The following ERC2 variants were observed in gnomAD, a reference collection of about 807,000 sequenced individuals.
ERC2 encodes the protein ELKS/RAB6-interacting/CAST family member 2.
Under a neutral mutation model 114.8 loss-of-function variants are expected in ERC2, and 42 were observed. That is an observed-to-expected ratio of 0.37 (90% CI 0.29 to 0.47). The LOEUF (loss-of-function observed/expected upper bound fraction) is 0.47, where lower values mean the gene tolerates loss of function less well. ERC2 is among the 20% of genes least tolerant of loss of function. The pLI, the probability that ERC2 is intolerant of heterozygous loss-of-function variation, is 0.99. For synonymous variants in ERC2, 454 were observed against 425.5 expected, an observed-to-expected ratio of 1.07 and a Z score of -0.82; for missense variants, 939 against 1,150.7, an observed-to-expected ratio of 0.82 and a Z score of 2.66.
chr3:56,049,474 T>G (rs903124950), intron 7 of ERC2, among the ~76,000 whole-genome samples: 12 of 152,338 alleles, frequency 7.9e-5, no homozygotes, highest in Non-Finnish European at 1.3e-4. Context: ...ATGCAAAGTA[T>G]TGATCCTAGG....
At chr3:56,218,237 T>C (rs2049631654) in intron 3 of ERC2, among the ~76,000 whole-genome samples, 2 of 151,964 alleles carry the variant, frequency 1.3e-5, no homozygotes, top group Non-Finnish European at 2.9e-5. Flanking sequence ...TGCAATCTAC[T>C]CATCTGACAA....
chr3:55,834,522 A>G (rs1466847580), intron 14 of ERC2, among the ~76,000 whole-genome samples: 1 of 152,136 alleles, frequency 6.6e-6, no homozygotes, highest in Non-Finnish European at 1.5e-5. Flanking sequence ...TGGGTACATA[A>G]TGAAATGAAG....
chr3:56,273,760 C>T lies in ERC2; in HGVS notation c.1074+22259G>A, dbSNP rs2053815206. ...TTGTGCAAATTAGAAAATGAAGCCC[C>T]TTCCCAAGACACTTCACTTCTATCT... On this transcript the variant is annotated intron_variant, in intron 3 of 17. Coordinates refer to ENST00000288221, the MANE Select transcript of ERC2 (RefSeq NM_015576.3). Among the ~76,000 whole-genome samples the T allele has an allele frequency of 2.6e-5, 4 of 152,264 alleles. No homozygotes were observed. In the South Asian group the frequency reaches 8.3e-4, roughly 32 times the overall value.
intron 6 of ERC2, among the ~76,000 whole-genome samples, chr3:56,131,587 T>C (rs2080201855): frequency 6.6e-6 from 1 of 152,168 alleles, no homozygotes; most frequent in African/African-American, 2.4e-5. Flanking sequence ...AAGGCTGAAC[T>C]GATTAAAAAG....
chr3:56,061,913 A>G (rs2076261161), intron 7 of ERC2, among the ~76,000 whole-genome samples: 1 of 152,212 alleles, frequency 6.6e-6, no homozygotes, highest in Non-Finnish European at 1.5e-5. Flanking sequence ...ATTAGCTGAT[A>G]TACACGTGGG....
intron 13 of ERC2, among the ~76,000 whole-genome samples, chr3:55,919,569 C>T (rs562396698): frequency 6.6e-6 from 1 of 152,240 alleles, no homozygotes; most frequent in South Asian, 2.1e-4. Context: ...CTGGAATACA[C>T]CCCCACAACC....
intron 17 of ERC2, among the ~76,000 whole-genome samples, chr3:55,567,754 G>A (rs2056464424): frequency 6.6e-6 from 1 of 152,172 alleles, no homozygotes; most frequent in Admixed American, 6.5e-5. Context: ...ATGGAAGCAG[G>A]ATCCGGGGCC....
At chr3:56,280,259 T>C (rs940424115) in intron 3 of ERC2, among the ~76,000 whole-genome samples, 6 of 152,168 alleles carry the variant, frequency 3.9e-5, no homozygotes, top group African/African-American at 1.4e-4. Flanking sequence ...CCAGAAGGAA[T>C]GCAGGCCTGA....
At chr3:55,850,497 G>A (rs888423485) in intron 14 of ERC2, among the ~76,000 whole-genome samples, 1 of 152,136 alleles carries the variant, frequency 6.6e-6, no homozygotes, top group Non-Finnish European at 1.5e-5. Flanking sequence ...ATCTTCCTAA[G>A]ACCTCATGGG....
intron 7 of ERC2, among the ~76,000 whole-genome samples, chr3:56,026,345 C>A (rs2074052803): frequency 6.6e-6 from 1 of 152,210 alleles, no homozygotes; most frequent in African/African-American, 2.4e-5. Context: ...CTGCCGCAAC[C>A]AGCCACCTTC....
At chr3:56,060,157 T>C (rs950211417) in intron 7 of ERC2, among the ~76,000 whole-genome samples, 1 of 152,262 alleles carries the variant, frequency 6.6e-6, no homozygotes, top group African/African-American at 2.4e-5. Context: ...GAACGTCTTA[T>C]GTACATTTAA....
chr3:55,963,165 G>A (rs1235718584), intron 12 of ERC2, among the ~76,000 whole-genome samples: 3 of 152,150 alleles, frequency 2.0e-5, no homozygotes, highest in South Asian at 2.1e-4. Context: ...AACCAACAAG[G>A]GAACACTGCA....
Position 56,425,565 on chromosome 3 carries a change from T to C in ERC2, c.657+8786A>G, listed in dbSNP as rs371709386. On this transcript the variant is annotated intron_variant, in intron 2 of 17. Coordinates refer to ENST00000288221, the MANE Select transcript of ERC2 (RefSeq NM_015576.3). ...ACTCCACCCCGACCCTTTTTCTTTT[T>C]TTTTTTTTTTTTTTTGGCTTATGCA... Among the ~76,000 whole-genome samples, 136 of 60,546 alleles carry C rather than the reference T, an allele frequency of 2.2e-3. 4 individuals are homozygous for C. In the South Asian group the frequency reaches 0.045, roughly 20 times the overall value. 39.7% of individuals were successfully genotyped at this position (60,546 alleles called of 152,430 possible). A position where few individuals can be genotyped will look rare whatever the true frequency, so the allele number is the denominator to read the frequency against.
At chr3:55,802,268 G>C (rs1323101289) in intron 14 of ERC2, among the ~76,000 whole-genome samples, 1 of 152,112 alleles carries the variant, frequency 6.6e-6, no homozygotes, top group Non-Finnish European at 1.5e-5. Flanking sequence ...AATGCTTTTT[G>C]TCTACTTTAT....
intron 14 of ERC2, among the ~76,000 whole-genome samples, chr3:55,822,542 T>TA (rs2060166730): frequency 1.3e-5 from 2 of 151,626 alleles, no homozygotes; most frequent in South Asian, 2.1e-4. Flanking sequence ...TGTTCTGACT[T>TA]ACAAGAATTT....
intron 13 of ERC2, among the ~76,000 whole-genome samples, chr3:55,948,122 T>A (rs1184658575): frequency 6.6e-6 from 1 of 152,226 alleles, no homozygotes; most frequent in African/African-American, 2.4e-5. Flanking sequence ...CAACTTTGTT[T>A]CCGACTTTCA....
At chr3:56,391,863 A>C (rs551286866) in intron 2 of ERC2, among the ~76,000 whole-genome samples, 3 of 152,206 alleles carry the variant, frequency 2.0e-5, no homozygotes, top group Non-Finnish European at 4.4e-5. Context: ...TAGGGAAAAC[A>C]TTAAAAATAA....
Position 56,321,078 on chromosome 3 carries a change from C to T in ERC2, c.658-24643G>A, listed in dbSNP as rs190507330. ...CTGGCCAAAGAAAGTCAGATGGCCA[C>T]ATCTCATTTCAAAGACACAAAAGCG... On this transcript the variant is annotated intron_variant, in intron 2 of 17. Transcript: ENST00000288221. Among the ~76,000 whole-genome samples, 28 of 152,244 alleles carry T rather than the reference C, an allele frequency of 1.8e-4. No homozygotes were observed. In the East Asian group the frequency reaches 5.4e-3, roughly 29 times the overall value.
intron 11 of ERC2, among the ~76,000 whole-genome samples, chr3:55,988,320 T>G (rs1576466750): frequency 6.6e-6 from 1 of 152,222 alleles, no homozygotes. Context: ...CAAACTCCCC[T>G]GAGCTGCCTG....
Sources: allele counts gnomAD v4.1 joint callset (sites outside exome capture counted in the v4.1 genomes callset), GRCh38; gene constraint gnomAD v4.1.1; transcripts MANE v1.5; gene names NCBI Gene and HGNC (gene_info 2026-07-23, HGNC 2026-07-21).